The following PSME4 variants were observed in gnomAD, a reference collection of about 807,000 sequenced individuals.
PSME4 encodes proteasome activator subunit 4, also known as proteasome activator complex subunit 4.
In PSME4, 89 loss-of-function variants were observed where a neutral mutation model predicts 253.9. That is an observed-to-expected ratio of 0.35 (90% CI 0.30 to 0.42). The LOEUF (loss-of-function observed/expected upper bound fraction) is 0.42. Ranked by LOEUF, PSME4 falls within the 10% of genes least tolerant of loss-of-function variation. The pLI is 1.00. For synonymous variants in PSME4, 851 were observed against 759.2 expected, an observed-to-expected ratio of 1.12 and a Z score of -1.99; for missense variants, 2,014 against 2,195.2, an observed-to-expected ratio of 0.92 and a Z score of 1.65.
chr2:53,906,301 A>C (rs957407687), intron 26 of PSME4, among the ~76,000 whole-genome samples: 1 of 152,216 alleles, frequency 6.6e-6, no homozygotes, highest in African/African-American at 2.4e-5. Context: ...ATAAATGAGA[A>C]GCAATTACAA....
intron 7 of PSME4, 81 bp from the exon 8 acceptor site, chr2:53,934,808 T>C: frequency 2.9e-6 from 3 of 1,033,034 alleles, no homozygotes; most frequent in Non-Finnish European, 4.1e-6. Flanking sequence ...TATATTAGTG[T>C]TACTGAAGAT....
intron 4 of PSME4, among the ~76,000 whole-genome samples, chr2:53,938,068 A>C (rs1383736395): frequency 2.0e-5 from 3 of 152,092 alleles, no homozygotes; most frequent in African/African-American, 7.2e-5. Context: ...TTTTCTAAAC[A>C]CTATGAAGTT....
At chr2:53,919,301 G>A in intron 19 of PSME4, 55 bp from the exon 20 acceptor site, 1 of 1,511,918 alleles carries the variant, frequency 6.6e-7, no homozygotes, top group South Asian at 1.3e-5. Context: ...TAATAAGCCT[G>A]CTAGAGCCTA....
chr2:53,970,945 C>A lies in PSME4; in HGVS notation c.-161G>T. 1 of 555,198 alleles carries A rather than the reference C, an allele frequency of 1.8e-6. No homozygotes were observed. The allele number at this position is 555,198 out of a possible 1,614,324, so 34.4% of individuals were successfully genotyped here. ...GCCCCCTTCCCTGGCCGGCGTGCTG[C>A]TGGGCCCCACGCGGCTCTCAGTTCG... On this transcript the variant is annotated 5_prime_UTR_variant, in exon 1 of 47. Coordinates refer to ENST00000404125, the MANE Select transcript of PSME4 (RefSeq NM_014614.3).
At chr2:53,898,432 A>G in intron 29 of PSME4, 78 bp from the exon 30 acceptor site, 1 of 1,182,938 alleles carries the variant, frequency 8.5e-7, no homozygotes. Context: ...TTCAAATTCT[A>G]GCCAATTTCA....
intron 37 of PSME4, 41 bp downstream of exon 37, chr2:53,890,063 G>C (rs747288831): frequency 2.5e-5 from 35 of 1,422,586 alleles, no homozygotes; most frequent in Admixed American, 6.7e-5. Flanking sequence ...CAAACAGTTT[G>C]AATAGATCAG....
intron 21 of PSME4, among the ~76,000 whole-genome samples, chr2:53,909,380 AT>A (rs1216344136): frequency 6.6e-6 from 1 of 152,184 alleles, no homozygotes; most frequent in Non-Finnish European, 1.5e-5. Flanking sequence ...TTAATTTACT[AT>A]GATAGGAAGG....
intron 28 of PSME4, 93 bp from the exon 29 acceptor site, chr2:53,900,110 C>G (rs1179181757): frequency 2.0e-5 from 23 of 1,170,178 alleles, no homozygotes; most frequent in Non-Finnish European, 2.6e-5. Context: ...TGAAAGAGGC[C>G]AGACACAAAA....
At chr2:53,907,017 G>A (rs1680690486) in intron 24 of PSME4, 149 bp from the exon 25 acceptor site, 1 of 632,154 alleles carries the variant, frequency 1.6e-6, no homozygotes, top group Admixed American at 3.3e-5. Flanking sequence ...AAGACATCAG[G>A]CTTATATAAA....
rs754322465 is a variant in PSME4 at position 53,936,735 on chromosome 2, G to A, written c.759+29C>T. ...GAAAAAAGAAAAAAAAAACTATAGGGGGGAAGAAAGGGAAAAAGGGATACT... is the reference window on the plus strand; with the variant it reads ...GAAAAAAGAAAAAAAAAACTATAGGAGGGAAGAAAGGGAAAAAGGGATACT... On this transcript the variant is annotated intron_variant, in intron 6 of 46. Coordinates refer to ENST00000404125, the MANE Select transcript of PSME4 (RefSeq NM_014614.3). 22 of 1,480,620 alleles carry A rather than the reference G, an allele frequency of 1.5e-5. No individual in the cohort carries two copies. In the East Asian group the frequency reaches 5.4e-4, roughly 36 times the overall value. The allele number at this position is 1,480,620 out of a possible 1,614,324, so 91.7% of individuals were successfully genotyped here. A position where few individuals can be genotyped will look rare whatever the true frequency, so the allele number is the denominator to read the frequency against.
chr2:53,884,376 A>G (rs1679541956), intron 41 of PSME4, among the ~76,000 whole-genome samples: 1 of 152,046 alleles, frequency 6.6e-6, no homozygotes, highest in South Asian at 2.1e-4. Context: ...ATGCCCAGCT[A>G]ATTTTTGTAT....
chr2:53,925,531 G>C lies in PSME4; in HGVS notation c.1809+8C>G, dbSNP rs371103379. On this transcript the variant is annotated splice_region_variant and intron_variant, in intron 14 of 46. Transcript: ENST00000404125. The stretch of plus-strand genomic sequence containing the variant: ...CTGGAAGTTTATTTTTTGCAGCAAT[G>C]TTCTTACCATAAATATTTCTTTGGA... The C allele has an allele frequency of 1.0e-5, 16 of 1,530,850 alleles. No individual in the cohort carries two copies. In the African/African-American group the frequency reaches 2.0e-4, roughly 20 times the overall value. 94.8% of individuals were successfully genotyped at this position (1,530,850 alleles called of 1,614,324 possible). A position where few individuals can be genotyped will look rare whatever the true frequency, so the allele number is the denominator to read the frequency against.
At chr2:53,866,965 G>C in intron 44 of PSME4, 85 bp from the exon 45 acceptor site, 3 of 1,338,184 alleles carry the variant, frequency 2.2e-6, no homozygotes, top group Non-Finnish European at 3.1e-6. Flanking sequence ...GTTTTCAATT[G>C]TGTTGTTTTC....
At chr2:53,902,631 C>A (rs76315570) in intron 27 of PSME4, among the ~76,000 whole-genome samples, 1 of 152,138 alleles carries the variant, frequency 6.6e-6, no homozygotes, top group Non-Finnish European at 1.5e-5. Context: ...ACAGAATAGT[C>A]AATGAGTCAA....
chr2:53,887,166 A>C lies in PSME4; in HGVS notation c.4729+93T>G, dbSNP rs1165317070. 14 of 1,165,972 alleles carry C rather than the reference A, an allele frequency of 1.2e-5. No homozygotes were observed. The Admixed American group carries it at 2.9e-4, about 24-fold the overall frequency. 72.2% of individuals were successfully genotyped at this position (1,165,972 alleles called of 1,614,324 possible). ...AAACAGTAAATTTTTCATTATGTCT[A>C]TTTTACCACAATAAAAAAAGTGGTG... is the stretch of plus-strand genomic sequence containing the variant. On this transcript the variant is annotated intron_variant, in intron 40 of 46. Coordinates refer to ENST00000404125, the MANE Select transcript of PSME4 (RefSeq NM_014614.3).
At chr2:53,885,850 T>C (rs1679609558) in intron 40 of PSME4, 75 bp from the exon 41 acceptor site, 3 of 1,043,364 alleles carry the variant, frequency 2.9e-6, no homozygotes, top group South Asian at 2.8e-5. Context: ...AATATTGTAA[T>C]GTTATTGTCA....
intron 8 of PSME4, 148 bp downstream of exon 8, chr2:53,934,457 A>C: frequency 1.3e-6 from 1 of 747,626 alleles, no homozygotes; most frequent in South Asian, 2.4e-5. Context: ...TGGATTTGAT[A>C]AACATGAGCT....
chr2:53,897,854 A>G lies in PSME4; in HGVS notation c.3606+16T>C, dbSNP rs1680212829. Reference sequence around the variant, plus strand: ...TATTCTCAAACCCAAGACTGTAGCTAAAACAAGGTATGTACCTTTCGAACT... The same window carrying G: ...TATTCTCAAACCCAAGACTGTAGCTGAAACAAGGTATGTACCTTTCGAACT... On this transcript the variant is annotated intron_variant, in intron 31 of 46. Coordinates refer to ENST00000404125, the MANE Select transcript of PSME4 (RefSeq NM_014614.3). 2 of 1,611,828 alleles carry G rather than the reference A, an allele frequency of 1.2e-6. No individual in the cohort carries two copies. The highest frequency in any genetic ancestry group is 1.3e-5 in the African/African-American group (1 of 74,980).
chr2:53,920,810 C>T (rs1409662115), intron 18 of PSME4, 79 bp downstream of exon 18: 1 of 1,200,238 alleles, frequency 8.3e-7, no homozygotes, highest in Non-Finnish European at 1.2e-6. Flanking sequence ...CTAACATATG[C>T]AAGAAAAAAT....
Sources: gnomAD v4.1 joint callset for allele counts (sites outside exome capture counted in the v4.1 genomes callset) on GRCh38, gnomAD v4.1.1 for gene constraint, MANE v1.5 for transcripts, NCBI Gene and HGNC (gene_info 2026-07-23, HGNC 2026-07-21) for gene names.